Variants in PTPRK observed in about 807,000 individuals in gnomAD.
PTPRK encodes protein tyrosine phosphatase receptor type K.
Under a neutral mutation model 178.0 loss-of-function variants are expected in PTPRK, and 75 were observed. The ratio of observed to expected loss-of-function variants is 0.42; its 90% CI spans 0.35 to 0.51. The LOEUF (loss-of-function observed/expected upper bound fraction) is 0.51. Among genes scored for constraint, PTPRK ranks in the 20% least tolerant of loss-of-function variants. PTPRK has a pLI of 0.02. For missense variants in PTPRK, 1,441 were observed against 1,797.8 expected (o/e 0.80, Z 3.59); for synonymous variants, 637 against 620.6 (o/e 1.03, Z -0.39).
chr6:128,183,236 C>T (rs978052817), intron 7 of PTPRK, among the ~76,000 whole-genome samples: 1 of 152,118 alleles, frequency 6.6e-6, no homozygotes, highest in Non-Finnish European at 1.5e-5. Context: ...ACTTGCCTCT[C>T]CCTCAGAAAG....
intron 2 of PTPRK, among the ~76,000 whole-genome samples, chr6:128,360,873 A>G (rs1196362209): frequency 6.6e-6 from 1 of 152,130 alleles, no homozygotes; most frequent in Non-Finnish European, 1.5e-5. Context: ...TACTTATGTA[A>G]ATACTACCCA....
intron 1 of PTPRK, among the ~76,000 whole-genome samples, chr6:128,442,692 A>G (rs557945150): frequency 2.3e-4 from 35 of 152,312 alleles, no homozygotes; most frequent in Non-Finnish European, 3.8e-4. Flanking sequence ...GTATCTTCAA[A>G]CTAAACTTGT....
intron 7 of PTPRK, among the ~76,000 whole-genome samples, chr6:128,122,610 TA>T: frequency 6.6e-6 from 1 of 152,188 alleles, no homozygotes; most frequent in East Asian, 1.9e-4. Flanking sequence ...GCAGTTTTAA[TA>T]GCAATAAATG....
At chr6:128,265,831 T>C (rs1453303870) in intron 3 of PTPRK, among the ~76,000 whole-genome samples, 3 of 152,154 alleles carry the variant, frequency 2.0e-5, no homozygotes, top group Non-Finnish European at 2.9e-5. Flanking sequence ...AATTCTTATG[T>C]TGAAATTTGA....
At chr6:128,484,125 C>T (rs556366804) in intron 1 of PTPRK, among the ~76,000 whole-genome samples, 22 of 152,148 alleles carry the variant, frequency 1.4e-4, no homozygotes, top group Non-Finnish European at 2.8e-4. Flanking sequence ...ATGGTTACCA[C>T]GTGTATCAAA....
At chr6:128,475,103 A>T (rs774507097) in intron 1 of PTPRK, among the ~76,000 whole-genome samples, 1 of 152,134 alleles carries the variant, frequency 6.6e-6, no homozygotes, top group Non-Finnish European at 1.5e-5. Context: ...CACACAGGGC[A>T]TCTATCATCA....
chr6:128,348,601 A>G (rs894075506), intron 2 of PTPRK, among the ~76,000 whole-genome samples: 2 of 152,022 alleles, frequency 1.3e-5, no homozygotes, highest in Non-Finnish European at 2.9e-5. Flanking sequence ...GAAATATTTT[A>G]GTTTGTTAAC....
intron 7 of PTPRK, among the ~76,000 whole-genome samples, chr6:128,146,000 T>C (rs1796431978): frequency 6.6e-6 from 1 of 152,202 alleles, no homozygotes; most frequent in African/African-American, 2.4e-5. Context: ...AGCTCCATCT[T>C]TCTCTGTACA....
intron 13 of PTPRK, among the ~76,000 whole-genome samples, chr6:128,040,573 T>C (rs897864755): frequency 2.6e-5 from 4 of 152,116 alleles, no homozygotes; most frequent in South Asian, 2.1e-4. Flanking sequence ...ATTGTTTGAA[T>C]TGAAAATATG....
chr6:127,999,042 A>C, intron 15 of PTPRK, 138 bp from the exon 16 acceptor site: 1 of 706,198 alleles, frequency 1.4e-6, no homozygotes, highest in Non-Finnish European at 2.2e-6. Flanking sequence ...AATATCATAC[A>C]GTATAGGCCT....
chr6:128,215,274 C>T (rs996972108), intron 6 of PTPRK, among the ~76,000 whole-genome samples: 4 of 152,116 alleles, frequency 2.6e-5, no homozygotes, highest in African/African-American at 4.8e-5. Flanking sequence ...TGGAAACAGA[C>T]GGAGGAGATC....
chr6:128,055,831 G>C (rs1033334165), intron 13 of PTPRK, among the ~76,000 whole-genome samples: 10 of 151,974 alleles, frequency 6.6e-5, no homozygotes, highest in African/African-American at 1.2e-4. Flanking sequence ...CAAACTCCTG[G>C]CTTGAAGGGA....
chr6:128,282,601 G>A (rs775008301), intron 3 of PTPRK, among the ~76,000 whole-genome samples: 1 of 152,140 alleles, frequency 6.6e-6, no homozygotes, highest in South Asian at 2.1e-4. Flanking sequence ...TCATATTTTT[G>A]CCAAGGGATT....
intron 11 of PTPRK, among the ~76,000 whole-genome samples, chr6:128,068,058 T>A (rs1782139758): frequency 6.6e-6 from 1 of 152,218 alleles, no homozygotes; most frequent in Non-Finnish European, 1.5e-5. Flanking sequence ...CATTTTTAAA[T>A]GTTGAGGAAT....
intron 21 of PTPRK, among the ~76,000 whole-genome samples, chr6:127,988,154 AAATTGGTCTGC>A (rs1453279707): frequency 4.7e-5 from 6 of 127,878 alleles, no homozygotes; most frequent in Admixed American, 8.3e-5. Context: ...TTCTTGAATG[AAATTGGTCTGC>A]AATATGTGTG....
At chr6:128,137,923 C>T (rs1795243126) in intron 7 of PTPRK, among the ~76,000 whole-genome samples, 1 of 152,012 alleles carries the variant, frequency 6.6e-6, no homozygotes, top group Non-Finnish European at 1.5e-5. Flanking sequence ...GAAGCTCACC[C>T]CACAAAACTG....
At chr6:128,503,087 C>T (rs547302714) in intron 1 of PTPRK, among the ~76,000 whole-genome samples, 2 of 152,162 alleles carry the variant, frequency 1.3e-5, no homozygotes, top group Admixed American at 6.5e-5. Context: ...ATTAGCCGGG[C>T]GTATGGCATA....
intron 2 of PTPRK, among the ~76,000 whole-genome samples, chr6:128,349,462 T>C (rs1003518915): frequency 6.6e-6 from 1 of 152,090 alleles, no homozygotes; most frequent in Admixed American, 6.6e-5. Context: ...TTCTCTTTTA[T>C]TGTACCAAAT....
rs117497641 is a variant in PTPRK at position 128,050,950 on chromosome 6, C to G, written c.2194+13808G>C. ...TAGATTTAAATTCTTTCACATTGTT[C>G]TTCAAGAATTTTCAAACTTTTAAAA... On this transcript the variant is annotated intron_variant, in intron 13 of 29. Coordinates refer to ENST00000368226, the MANE Select transcript of PTPRK (RefSeq NM_002844.4). 3.4e-3 allele frequency among the ~76,000 whole-genome samples: 519 copies of G among 152,266 alleles called. 3 individuals carry two copies. Among genetic ancestry groups the G allele is most frequent in the African/African-American group, 0.011 (463 of 41,562 alleles).
Sources: gnomAD v4.1 joint callset for allele counts (sites outside exome capture counted in the v4.1 genomes callset) on GRCh38, gnomAD v4.1.1 for gene constraint, MANE v1.5 for transcripts, NCBI Gene and HGNC (gene_info 2026-07-23, HGNC 2026-07-21) for gene names.